The following GABBR2 variants were observed in gnomAD, a reference collection of about 807,000 sequenced individuals.
GABBR2 encodes the protein gamma-aminobutyric acid type B receptor subunit 2.
Under a neutral mutation model 105.6 loss-of-function variants are expected in GABBR2, and 23 were observed. The ratio of observed to expected loss-of-function variants is 0.22; its 90% CI spans 0.16 to 0.31. GABBR2 has a LOEUF of 0.31. GABBR2 is among the 10% of genes least tolerant of loss of function. The pLI, the probability that GABBR2 is intolerant of heterozygous loss-of-function variation, is 1.00. For synonymous variants in GABBR2, 478 were observed against 499.7 expected (o/e 0.96, Z 0.58); for missense variants, 734 against 1,245.5 (o/e 0.59, Z 6.18).
intron 1 of GABBR2, among the ~76,000 whole-genome samples, chr9:98,632,041 T>C (rs914398937): frequency 6.6e-6 from 1 of 152,234 alleles, no homozygotes; most frequent in Non-Finnish European, 1.5e-5. Context: ...GCGAAATGAC[T>C]GCTCACACCC....
chr9:98,592,170 C>T (rs1829156334), intron 1 of GABBR2, among the ~76,000 whole-genome samples: 1 of 152,180 alleles, frequency 6.6e-6, no homozygotes. Context: ...GCCCATGAGA[C>T]AGGCATGGCC....
intron 14 of GABBR2, among the ~76,000 whole-genome samples, chr9:98,309,053 T>G (rs916446672): frequency 6.6e-6 from 1 of 152,152 alleles, no homozygotes; most frequent in African/African-American, 2.4e-5. Flanking sequence ...AGCCTTGAGA[T>G]TCTGTGGCTC....
intron 18 of GABBR2, 118 bp downstream of exon 18, chr9:98,293,667 G>T: frequency 1.6e-6 from 1 of 637,306 alleles, no homozygotes. Flanking sequence ...TGCATCATGG[G>T]ATGGCTGTGG....
rs1360740006 is a variant in GABBR2, at chr9:98,297,349, G to C, written c.2542+1875C>G. Among the ~76,000 whole-genome samples, 8 of 152,182 alleles carry C rather than the reference G, an allele frequency of 5.3e-5. No homozygotes were observed. In the South Asian group the frequency reaches 1.2e-3, roughly 24 times the overall value. On this transcript the variant is annotated intron_variant, in intron 17 of 18. Coordinates refer to ENST00000259455, the MANE Select transcript of GABBR2 (RefSeq NM_005458.8). ...TAAAAGGCCAGGCATGGTGGCTTATGCCTGTAATCCCAGTACTTTGGGAGG... is the reference window on the plus strand; with the variant it reads ...TAAAAGGCCAGGCATGGTGGCTTATCCCTGTAATCCCAGTACTTTGGGAGG...
chr9:98,606,966 T>C, intron 1 of GABBR2: 1 of 767,126 alleles, frequency 1.3e-6, no homozygotes, highest in East Asian at 2.5e-5. Context: ...TCCGCCTGCA[T>C]CCAAACCGCT....
intron 7 of GABBR2, among the ~76,000 whole-genome samples, chr9:98,422,683 C>T (rs1027192749): frequency 6.6e-6 from 1 of 151,840 alleles, no homozygotes; most frequent in Non-Finnish European, 1.5e-5. Context: ...CATATGTATA[C>T]ATGTGCCATG....
intron 1 of GABBR2, among the ~76,000 whole-genome samples, chr9:98,652,353 A>G (rs1830120216): frequency 6.6e-6 from 1 of 152,112 alleles, no homozygotes; most frequent in African/African-American, 2.4e-5. Context: ...TTACGGTATT[A>G]AAGTAGTCAA....
At chr9:98,497,603 T>G (rs1230276367) in intron 3 of GABBR2, among the ~76,000 whole-genome samples, 1 of 152,192 alleles carries the variant, frequency 6.6e-6, no homozygotes, top group Non-Finnish European at 1.5e-5. Flanking sequence ...ATCACTGACT[T>G]GCTTGTGACC....
intron 7 of GABBR2, among the ~76,000 whole-genome samples, chr9:98,450,743 A>C (rs1480727333): frequency 6.6e-6 from 1 of 152,214 alleles, no homozygotes; most frequent in Non-Finnish European, 1.5e-5. Context: ...TGGAGCAGAC[A>C]AAAATAGGTG....
intron 12 of GABBR2, among the ~76,000 whole-genome samples, chr9:98,365,170 G>T (rs1327978756): frequency 6.6e-6 from 1 of 152,212 alleles, no homozygotes; most frequent in Non-Finnish European, 1.5e-5. Context: ...TCTTGAGCAA[G>T]CTGCTTAACT....
intron 6 of GABBR2, among the ~76,000 whole-genome samples, chr9:98,459,499 T>C (rs1329109308): frequency 1.3e-5 from 2 of 152,204 alleles, no homozygotes; most frequent in African/African-American, 4.8e-5. Context: ...AGCCAAAAAC[T>C]GTAGTTCTGG....
At chr9:98,418,560 A>C (rs958898284) in intron 7 of GABBR2, among the ~76,000 whole-genome samples, 8 of 152,014 alleles carry the variant, frequency 5.3e-5, no homozygotes, top group Non-Finnish European at 7.4e-5. Flanking sequence ...CAACAAAAAA[A>C]CCCAAAAATC....
chr9:98,347,008 A>G (rs2131416380), intron 13 of GABBR2, among the ~76,000 whole-genome samples: 1 of 152,288 alleles, frequency 6.6e-6, no homozygotes, highest in South Asian at 2.1e-4. Context: ...TTGATTCCAT[A>G]TCTTAGGAAC....
At chr9:98,292,861 G>T (rs994513003) in intron 18 of GABBR2, among the ~76,000 whole-genome samples, 1 of 152,126 alleles carries the variant, frequency 6.6e-6, no homozygotes, top group African/African-American at 2.4e-5. Flanking sequence ...TCGGTGCAGG[G>T]GACACATGAA....
chr9:98,634,199 G>A (rs1310340368), intron 1 of GABBR2, among the ~76,000 whole-genome samples: 1 of 152,186 alleles, frequency 6.6e-6, no homozygotes, highest in Non-Finnish European at 1.5e-5. Context: ...CCGACTTTGG[G>A]CCCTACTTCA....
intron 3 of GABBR2, among the ~76,000 whole-genome samples, chr9:98,508,368 C>T (rs937822982): frequency 6.6e-6 from 1 of 152,220 alleles, no homozygotes; most frequent in Non-Finnish European, 1.5e-5. Context: ...TCTGCATTTC[C>T]AACTGAAGTA....
chr9:98,647,719 A>G (rs971785191), intron 1 of GABBR2, among the ~76,000 whole-genome samples: 2 of 152,182 alleles, frequency 1.3e-5, no homozygotes, highest in Non-Finnish European at 2.9e-5. Context: ...TTACATTGAG[A>G]AGAAATGCAA....
rs1830468451 is a variant in GABBR2 at position 98,301,509 on chromosome 9, A to C, written c.2412+1732T>G. 1.3e-5 allele frequency among the ~76,000 whole-genome samples: 2 copies of C among 152,206 alleles called. 1 individual carries two copies. The highest frequency in any genetic ancestry group is 4.8e-5 in the African/African-American group (2 of 41,450). On this transcript the variant is annotated intron_variant, in intron 16 of 18. Coordinates refer to ENST00000259455, the MANE Select transcript of GABBR2 (RefSeq NM_005458.8). Reference sequence around the variant, plus strand: ...TGATAAACTATCAGAGGCTGTTCTGATGTCAGGAACACAGCCATGAAATTG... The same window carrying C: ...TGATAAACTATCAGAGGCTGTTCTGCTGTCAGGAACACAGCCATGAAATTG...
intron 3 of GABBR2, among the ~76,000 whole-genome samples, chr9:98,528,436 G>A (rs1828003211): frequency 6.6e-6 from 1 of 151,956 alleles, no homozygotes; most frequent in Non-Finnish European, 1.5e-5. Flanking sequence ...CAAGCATAAT[G>A]GAAAGGTGAA....
Sources: allele counts gnomAD v4.1 joint callset (sites outside exome capture counted in the v4.1 genomes callset), GRCh38; gene constraint gnomAD v4.1.1; transcripts MANE v1.5; gene names NCBI Gene and HGNC (gene_info 2026-07-23, HGNC 2026-07-21).